The following DOCK8 variants were observed in gnomAD, a reference collection of about 807,000 sequenced individuals.
The protein encoded by DOCK8 is dedicator of cytokinesis 8.
DOCK8 carries 141 observed loss-of-function variants against 245.6 expected under a neutral mutation model. The ratio of observed to expected loss-of-function variants is 0.57; its 90% confidence interval spans 0.50 to 0.66. The LOEUF is 0.66. DOCK8 is among the 30% of genes least tolerant of loss of function. DOCK8 has a pLI of 0.00. For missense variants in DOCK8, 2,965 were observed against 2,603.4 expected (o/e 1.14, Z -3.02); for synonymous variants, 1,168 against 970.2 (o/e 1.20, Z -3.79).
At position 383,083 on chromosome 9, in the gene DOCK8, C is replaced by A. The variant is rs540968884; in HGVS notation, c.2778+398C>A. The stretch of plus-strand genomic sequence containing the variant: ...TACCTCTTACGTTCATTAACATCCA[C>A]AGATTGATTATCTCACAAAAAAGTC... On this transcript the variant is annotated intron_variant, in intron 22 of 47. Transcript: ENST00000432829. Among the ~76,000 whole-genome samples, 365 of 151,546 alleles carry A rather than the reference C, an allele frequency of 2.4e-3. 4 individuals carry two copies. The highest frequency in any genetic ancestry group is 8.4e-3 in the African/African-American group (348 of 41,298).
intron 27 of DOCK8, among the ~76,000 whole-genome samples, chr9:406,488 C>CAA (rs202229906): frequency 3.7e-4 from 35 of 95,236 alleles, no homozygotes; most frequent in South Asian, 1.2e-3. Context: ...CTCTGTCTTT[C>CAA]AAAAAAAAAA....
intron 40 of DOCK8, 139 bp from the exon 41 acceptor site, chr9:441,147 C>A: frequency 2.3e-6 from 3 of 1,279,088 alleles, no homozygotes; most frequent in Non-Finnish European, 3.3e-6. Flanking sequence ...TGCTCAGATA[C>A]CCCTTCTTGC....
At chr9:362,505 G>A (rs2052777234) in intron 14 of DOCK8, among the ~76,000 whole-genome samples, 1 of 152,142 alleles carries the variant, frequency 6.6e-6, no homozygotes, top group African/African-American at 2.4e-5. Context: ...ATCCCTCCCT[G>A]TAGGTCATCC....
chr9:295,211 C>T (rs1431186173), intron 4 of DOCK8, among the ~76,000 whole-genome samples: 1 of 151,616 alleles, frequency 6.6e-6, no homozygotes, highest in Admixed American at 6.6e-5. Flanking sequence ...TGCATGATTC[C>T]ATGTATCTGA....
In DOCK8 at chr9:416,359, T is replaced by G. The variant is rs150220618; in HGVS notation, c.3700+1408T>G. On this transcript the variant is annotated intron_variant, in intron 29 of 47. Coordinates refer to ENST00000432829, the MANE Select transcript of DOCK8 (RefSeq NM_203447.4). Reference sequence around the variant, plus strand: ...TCTAAAAAGTTCCATTTCAAGAGCTTGCTTGTTCCCAAAGCCAGGAACCAC... The same window carrying G: ...TCTAAAAAGTTCCATTTCAAGAGCTGGCTTGTTCCCAAAGCCAGGAACCAC... 7.1e-3 allele frequency among the ~76,000 whole-genome samples: 1,075 copies of G among 152,348 alleles called. 21 individuals are homozygous for G. Among genetic ancestry groups the G allele is most frequent in the African/African-American group, 0.023 (971 of 41,574 alleles).
In DOCK8 at chr9:236,439, G is replaced by C. The variant is rs910007210; in HGVS notation, c.53+21410G>C. Among the ~76,000 whole-genome samples the C allele has an allele frequency of 4.6e-5, 7 of 152,196 alleles. 1 individual carries two copies. Among genetic ancestry groups the C allele is most frequent in the African/African-American group, 1.7e-4 (7 of 41,452 alleles). ...TGTCACCCCCAACAAAACTAGGGTT[G>C]AGTTAGAATGAAGGGGCTAGTGCAT... On this transcript the variant is annotated intron_variant, in intron 1 of 47. Coordinates refer to ENST00000432829, the MANE Select transcript of DOCK8 (RefSeq NM_203447.4).
intron 1 of DOCK8, among the ~76,000 whole-genome samples, chr9:229,745 AAAG>A (rs2047065926): frequency 6.6e-6 from 1 of 152,112 alleles, no homozygotes; most frequent in Non-Finnish European, 1.5e-5. Flanking sequence ...AACATATCTG[AAAG>A]ATAGGTGCTG....
intron 4 of DOCK8, 142 bp downstream of exon 4, chr9:289,723 T>C (rs2048962606): frequency 1.4e-5 from 9 of 665,628 alleles, no homozygotes; most frequent in Non-Finnish European, 1.8e-5. Context: ...GCCTTCCTTA[T>C]CCCCACTCCA....
At chr9:419,552 A>G (rs1393911232) in intron 30 of DOCK8, among the ~76,000 whole-genome samples, 2 of 152,342 alleles carry the variant, frequency 1.3e-5, no homozygotes, top group African/African-American at 4.8e-5. Context: ...CAAACTCAGA[A>G]TAACTAAAGT....
chr9:423,995 G>A (rs1035347153), intron 33 of DOCK8, among the ~76,000 whole-genome samples: 5 of 151,754 alleles, frequency 3.3e-5, no homozygotes, highest in Non-Finnish European at 7.4e-5. Context: ...TCAGCCCTGC[G>A]CTACCTGGTG....
chr9:283,928 A>G (rs1180083378), intron 2 of DOCK8, among the ~76,000 whole-genome samples: 6 of 152,228 alleles, frequency 3.9e-5, no homozygotes, highest in Admixed American at 6.5e-5. Context: ...TGAAACACCA[A>G]TTGAACTCAA....
intron 33 of DOCK8, among the ~76,000 whole-genome samples, chr9:425,154 T>A (rs1006222050): frequency 4.6e-5 from 7 of 152,306 alleles, no homozygotes; most frequent in African/African-American, 1.4e-4. Context: ...CCACAATATA[T>A]AAAATGACAT....
chr9:415,016 G>T, intron 29 of DOCK8, 65 bp downstream of exon 29: 1 of 1,594,540 alleles, frequency 6.3e-7, no homozygotes, highest in South Asian at 1.1e-5. Context: ...CCATCCGAAT[G>T]AGATCTCTGT....
rs1395034986 is a variant in DOCK8, at chr9:451,896, TATACATATAC to T, written c.5962-111_5962-102del. On this transcript the variant is annotated intron_variant, in intron 45 of 47. Coordinates refer to ENST00000432829, the MANE Select transcript of DOCK8 (RefSeq NM_203447.4). ...GTATATATATATACATATATATGCA[TATACATATAC>T]ATATGCATATACATATATATGTATG... is the stretch of plus-strand genomic sequence containing the variant. 222 of 44,018 alleles carry T rather than the reference TATACATATAC, an allele frequency of 5.0e-3. 1 individual carries two copies. The highest frequency in any genetic ancestry group is 0.047 in the Admixed American group (80 of 1,708). The allele number at this position is 44,018 out of a possible 1,614,324, so 2.7% of individuals were successfully genotyped here. A position where few individuals can be genotyped will look rare whatever the true frequency, so the allele number is the denominator to read the frequency against.
At chr9:306,266 A>G (rs2049822362) in intron 5 of DOCK8, among the ~76,000 whole-genome samples, 1 of 152,150 alleles carries the variant, frequency 6.6e-6, no homozygotes, top group African/African-American at 2.4e-5. Flanking sequence ...AAAGCCCACT[A>G]CTTACTTGGA....
chr9:422,213 A>G, intron 33 of DOCK8, 78 bp downstream of exon 33: 1 of 1,151,768 alleles, frequency 8.7e-7, no homozygotes, highest in Non-Finnish European at 1.3e-6. Flanking sequence ...TATTACTGAA[A>G]CAACTGCATC....
chr9:256,646 C>A lies in DOCK8; in HGVS notation c.54-14981C>A, dbSNP rs72701224. Among the ~76,000 whole-genome samples the A allele has an allele frequency of 3.9e-3, 593 of 152,254 alleles. 9 individuals are homozygous for A. The highest frequency in any genetic ancestry group is 0.014 in the African/African-American group (561 of 41,544). On this transcript the variant is annotated intron_variant, in intron 1 of 47. Coordinates refer to ENST00000432829, the MANE Select transcript of DOCK8 (RefSeq NM_203447.4). ...AGAATTTTTCCCTCATTCTGGTCATCTCCTCCCCTCCTATAGAGGCACCAT... is the reference window on the plus strand; with the variant it reads ...AGAATTTTTCCCTCATTCTGGTCATATCCTCCCCTCCTATAGAGGCACCAT...
intron 7 of DOCK8, among the ~76,000 whole-genome samples, chr9:323,107 AAG>A (rs1469533080): frequency 6.6e-6 from 1 of 151,470 alleles, no homozygotes; most frequent in Non-Finnish European, 1.5e-5. Flanking sequence ...AAAAAAAAAA[AAG>A]AAAGCCCCCA....
intron 2 of DOCK8, among the ~76,000 whole-genome samples, chr9:285,085 A>T (rs938892730): frequency 2.0e-5 from 3 of 151,868 alleles, no homozygotes; most frequent in African/African-American, 7.3e-5. Flanking sequence ...GTACCCCCAA[A>T]CCTAAAAGTT....
Sources: allele counts gnomAD v4.1 joint callset (sites outside exome capture counted in the v4.1 genomes callset), GRCh38; gene constraint gnomAD v4.1.1; transcripts MANE v1.5; gene names NCBI Gene and HGNC (gene_info 2026-07-23, HGNC 2026-07-21).